Variants in PLD5 observed in about 807,000 individuals in gnomAD.
The protein encoded by PLD5 is inactive phospholipase D5.
PLD5 carries 36 observed loss-of-function variants against 61.1 expected under a neutral mutation model. That is an observed-to-expected ratio of 0.59 (90% CI 0.45 to 0.78). The LOEUF is 0.78. PLD5 is among the 30% of genes least tolerant of loss of function. PLD5 has a pLI of 0.00. For synonymous variants in PLD5, 243 were observed against 242.8 expected (o/e 1.00, Z -0.01); for missense variants, 515 against 644.4 (o/e 0.80, Z 2.17).
rs199857426 is a variant in PLD5, at chr1:242,519,228, T to TGGTCTAG, written c.189+4859_189+4860insCTAGACC. On this transcript the variant is annotated intron_variant, in intron 1 of 9. Coordinates refer to ENST00000536534, the MANE Select transcript of PLD5 (RefSeq NM_001372062.1). Reference sequence around the variant, plus strand: ...ATGGATCTGCTCCGTGGGACAAAAATGACATTACATAATATGAGCCTAGAC... The same window carrying TGGTCTAG: ...ATGGATCTGCTCCGTGGGACAAAAATGGTCTAGGACATTACATAATATGAGCCTAGAC... Among the ~76,000 whole-genome samples, 42 of 152,258 alleles carry TGGTCTAG rather than the reference T, an allele frequency of 2.8e-4. No homozygotes were observed. In the East Asian group the frequency reaches 8.1e-3, roughly 29 times the overall value.
chr1:242,349,701 CATG>C (rs1289598093), intron 1 of PLD5, among the ~76,000 whole-genome samples: 1 of 152,074 alleles, frequency 6.6e-6, no homozygotes, highest in Non-Finnish European at 1.5e-5. Flanking sequence ...AAGACAGGGC[CATG>C]ATAACTGGGA....
intron 5 of PLD5, among the ~76,000 whole-genome samples, chr1:242,158,953 TCTACTAAAATTAAG>T (rs757978611): frequency 3.6e-4 from 55 of 152,326 alleles, no homozygotes; most frequent in Non-Finnish European, 7.1e-4. Context: ...GTTTTAAATC[TCTACTAAAATTAAG>T]CATCAGTTTT....
chr1:242,424,218 C>T (rs932906060), intron 1 of PLD5, among the ~76,000 whole-genome samples: 1 of 152,130 alleles, frequency 6.6e-6, no homozygotes, highest in Non-Finnish European at 1.5e-5. Flanking sequence ...CCTGCCCCAC[C>T]CCACTATGCT....
rs1271867519 is a variant in PLD5 at position 242,084,763 on chromosome 1, T to G, written c.*5091A>C. 6.8e-6 allele frequency: 1 copy of G among 146,676 alleles called. No individual in the cohort carries two copies. The highest frequency in any genetic ancestry group is 1.5e-5 in the Non-Finnish European group (1 of 66,638). The allele number at this position is 146,676 out of a possible 1,614,324, so 9.1% of individuals were successfully genotyped here. A position where few individuals can be genotyped will look rare whatever the true frequency, so the allele number is the denominator to read the frequency against. On this transcript the variant is annotated 3_prime_UTR_variant, in exon 10 of 10. Transcript: ENST00000536534. ...TTTATTGGAAAGGTTTTTTTTTTTT[T>G]TTTTTTTTTTTTTTTAGAGAAAGAG... is the stretch of plus-strand genomic sequence containing the variant.
At chr1:242,283,179 C>T (rs1370087261) in intron 3 of PLD5, among the ~76,000 whole-genome samples, 4 of 152,222 alleles carry the variant, frequency 2.6e-5, no homozygotes, top group South Asian at 4.1e-4. Context: ...ACAACCATCA[C>T]ACTCACTCTT....
At chr1:242,493,718 G>A (rs1668250911) in intron 1 of PLD5, among the ~76,000 whole-genome samples, 2 of 152,082 alleles carry the variant, frequency 1.3e-5, no homozygotes, top group Admixed American at 1.3e-4. Context: ...CATGCCCTCT[G>A]GGGCCTCCAG....
chr1:242,488,208 G>T (rs921046601), intron 1 of PLD5, among the ~76,000 whole-genome samples: 2 of 152,114 alleles, frequency 1.3e-5, no homozygotes, highest in Admixed American at 1.3e-4. Flanking sequence ...TCTAGCAATT[G>T]CACCCCTAGG....
chr1:242,103,274 G>A (rs3948294), intron 8 of PLD5, among the ~76,000 whole-genome samples: 1 of 152,168 alleles, frequency 6.6e-6, no homozygotes, highest in African/African-American at 2.4e-5. Flanking sequence ...CACACCTGCA[G>A]AAAATGGCTA....
At chr1:242,157,838 A>G (rs756649260) in intron 5 of PLD5, among the ~76,000 whole-genome samples, 4 of 152,190 alleles carry the variant, frequency 2.6e-5, no homozygotes, top group Non-Finnish European at 5.9e-5. Context: ...CAAAGCTCCA[A>G]CGCTGTGCTG....
At chr1:242,227,671 C>T (rs1671037529) in intron 4 of PLD5, among the ~76,000 whole-genome samples, 1 of 152,150 alleles carries the variant, frequency 6.6e-6, no homozygotes, top group Admixed American at 6.6e-5. Context: ...GCCCTCTTCA[C>T]TGTTCTTTAT....
rs556818363 is a variant in PLD5, at chr1:242,387,709, A to T, written c.190-39467T>A. Among the ~76,000 whole-genome samples the T allele has an allele frequency of 3.2e-3, 448 of 141,454 alleles. 3 individuals carry two copies. Among genetic ancestry groups the T allele is most frequent in the African/African-American group, 0.012 (431 of 36,740 alleles). The allele number at this position is 141,454 out of a possible 152,430, so 92.8% of individuals were successfully genotyped here. ...TTTTATCTATTTTATATAAAATTTT[A>T]TCTATTTTATATAAAATTTTATCTA... On this transcript the variant is annotated intron_variant, in intron 1 of 9. Coordinates refer to ENST00000536534, the MANE Select transcript of PLD5 (RefSeq NM_001372062.1).
chr1:242,105,763 T>A (rs1574303631), intron 8 of PLD5, among the ~76,000 whole-genome samples: 1 of 152,250 alleles, frequency 6.6e-6, no homozygotes, highest in East Asian at 1.9e-4. Context: ...GGTGTAATAA[T>A]AATAGGTGTA....
chr1:242,134,015 G>A lies in PLD5; in HGVS notation c.736-9350C>T, dbSNP rs76988823. Among the ~76,000 whole-genome samples, 441 of 152,270 alleles carry A rather than the reference G, an allele frequency of 2.9e-3. 5 individuals are homozygous for A. The highest frequency in any genetic ancestry group is 3.9e-3 in the East Asian group (20 of 5,180). On this transcript the variant is annotated intron_variant, in intron 5 of 9. Transcript: ENST00000536534. ...TCGTCTTAGCTTCTTAATGAGCAGT[G>A]AGGAAGTTGAGGTCATTCCAGTTTC...
At chr1:242,442,413 T>C (rs971217599) in intron 1 of PLD5, among the ~76,000 whole-genome samples, 7 of 152,182 alleles carry the variant, frequency 4.6e-5, no homozygotes, top group African/African-American at 1.7e-4. Flanking sequence ...GTCCACTTTA[T>C]CCATGGCGGC....
intron 1 of PLD5, among the ~76,000 whole-genome samples, chr1:242,480,111 T>C (rs1667725822): frequency 6.6e-6 from 1 of 151,354 alleles, no homozygotes; most frequent in Admixed American, 6.6e-5. Context: ...CTTCAAGACA[T>C]ACTTTCAAAC....
At chr1:242,096,868 A>G (rs1262456126) in intron 9 of PLD5, among the ~76,000 whole-genome samples, 2 of 151,930 alleles carry the variant, frequency 1.3e-5, no homozygotes, top group Non-Finnish European at 2.9e-5. Flanking sequence ...AACATTAGGT[A>G]TATCTCCTAA....
intron 1 of PLD5, among the ~76,000 whole-genome samples, chr1:242,443,886 A>AT (rs1666385671): frequency 6.6e-6 from 1 of 152,062 alleles, no homozygotes; most frequent in Non-Finnish European, 1.5e-5. Context: ...TATTGCATTG[A>AT]TTTTACCATC....
intron 8 of PLD5, among the ~76,000 whole-genome samples, chr1:242,104,282 C>T (rs1660886425): frequency 6.7e-6 from 1 of 149,800 alleles, no homozygotes; most frequent in Non-Finnish European, 1.5e-5. Flanking sequence ...CACCACCACA[C>T]CTGGCTAGTT....
chr1:242,308,818 T>TG (rs1676525141), intron 2 of PLD5, among the ~76,000 whole-genome samples: 1 of 152,090 alleles, frequency 6.6e-6, no homozygotes, highest in Non-Finnish European at 1.5e-5. Context: ...CACTCAAGTG[T>TG]GGGAAAAATA....
Sources: allele counts gnomAD v4.1 joint callset (sites outside exome capture counted in the v4.1 genomes callset), GRCh38; gene constraint gnomAD v4.1.1; transcripts MANE v1.5; gene names NCBI Gene and HGNC (gene_info 2026-07-23, HGNC 2026-07-21).